NRXN1: variants seen among roughly 807,000 people sequenced by gnomAD.
The protein encoded by NRXN1 is neurexin 1, also known as neurexin-1.
In NRXN1, 39 loss-of-function variants were observed where a neutral mutation model predicts 150.9. The observed-to-expected ratio is 0.26, with a 90% CI of 0.20 to 0.34. NRXN1 has a LOEUF of 0.34. Among genes scored for constraint, NRXN1 ranks in the 10% least tolerant of loss-of-function variants. The pLI is 1.00. For missense variants in NRXN1, 1,815 were observed against 1,949.9 expected (o/e 0.93, Z 1.30); for synonymous variants, 924 against 757.0 (o/e 1.22, Z -3.62).
Position 50,356,845 on chromosome 2 carries a change from C to T in NRXN1, c.3364+108597G>A, listed in dbSNP as rs552149737. Among the ~76,000 whole-genome samples the T allele has an allele frequency of 5.9e-5, 9 of 152,136 alleles. No homozygotes were observed. The East Asian group carries it at 1.7e-3, about 29-fold the overall frequency. ...TTTTTTAAAGCATACTTGATGACTG[C>T]CTCTTACGTTATTTTTAAATGAACT... On this transcript the variant is annotated intron_variant, in intron 17 of 22. Coordinates refer to ENST00000401669, the MANE Select transcript of NRXN1 (RefSeq NM_001330078.2).
chr2:50,656,414 T>C (rs776564842), intron 5 of NRXN1: 6 of 775,414 alleles, frequency 7.7e-6, no homozygotes, highest in South Asian at 1.4e-5. Flanking sequence ...AAGTCACAAA[T>C]AGGAGTTTAT....
intron 12 of NRXN1, among the ~76,000 whole-genome samples, chr2:50,510,692 T>C (rs1300269835): frequency 1.3e-5 from 2 of 152,104 alleles, no homozygotes; most frequent in Non-Finnish European, 2.9e-5. Flanking sequence ...AAGAAGCAGA[T>C]TTAAAAGTGT....
rs1323306682 is a variant in NRXN1, at chr2:50,522,719, C to CCTTTTTTTT, written c.2374+5905_2374+5906insAAAAAAAAG. 1.3e-3 allele frequency among the ~76,000 whole-genome samples: 115 copies of CCTTTTTTTT among 86,558 alleles called. 48 individuals are homozygous for CCTTTTTTTT. Among genetic ancestry groups the CCTTTTTTTT allele is most frequent in the African/African-American group, 5.5e-3 (93 of 16,774 alleles). The allele number at this position is 86,558 out of a possible 152,430, so 56.8% of individuals were successfully genotyped here. ...TTCCATTTATTCATTTATTTTTATT[C>CCTTTTTTTT]ATTTTTTTTTTTTTTTTTTTTTTTT... On this transcript the variant is annotated intron_variant, in intron 12 of 22. Transcript: ENST00000401669.
chr2:50,029,211 C>A (rs1401660698), intron 21 of NRXN1, among the ~76,000 whole-genome samples: 1 of 152,112 alleles, frequency 6.6e-6, no homozygotes, highest in African/African-American at 2.4e-5. Flanking sequence ...GGAAGCAGGC[C>A]CTCACCAGAT....
In NRXN1 at chr2:50,280,299, T is replaced by A. The variant is rs567680235; in HGVS notation, c.3365-43329A>T. Among the ~76,000 whole-genome samples the A allele has an allele frequency of 1.5e-4, 23 of 150,550 alleles. No homozygotes were observed. The East Asian group carries it at 4.5e-3, about 29-fold the overall frequency. ...TCTCAAAAAAAAAAAAAAAAACAGA[T>A]ATATTAGAAGTCAACTATTCACTTT... On this transcript the variant is annotated intron_variant, in intron 17 of 22. Transcript: ENST00000401669.
At chr2:50,901,153 C>G (rs1271203973) in intron 5 of NRXN1, among the ~76,000 whole-genome samples, 1 of 152,076 alleles carries the variant, frequency 6.6e-6, no homozygotes, top group Non-Finnish European at 1.5e-5. Flanking sequence ...TGATTTTCAT[C>G]TGTTCATTTC....
chr2:50,081,066 T>C (rs146934630), intron 19 of NRXN1, among the ~76,000 whole-genome samples: 3 of 152,282 alleles, frequency 2.0e-5, no homozygotes, highest in East Asian at 1.9e-4. Context: ...TTTCTAAAGA[T>C]AGAATGTTCT....
chr2:50,336,123 C>A (rs887169416), intron 17 of NRXN1, among the ~76,000 whole-genome samples: 1 of 152,104 alleles, frequency 6.6e-6, no homozygotes, highest in African/African-American at 2.4e-5. Flanking sequence ...TAAGAGTAAT[C>A]CTTTATGTCA....
chr2:50,894,792 T>C (rs566994099), intron 5 of NRXN1, among the ~76,000 whole-genome samples: 1 of 152,302 alleles, frequency 6.6e-6, no homozygotes, highest in East Asian at 1.9e-4. Context: ...GAATGCTGTT[T>C]CTACATTTTT....
At chr2:50,298,679 C>G (rs892938785) in intron 17 of NRXN1, among the ~76,000 whole-genome samples, 1 of 152,122 alleles carries the variant, frequency 6.6e-6, no homozygotes, top group Non-Finnish European at 1.5e-5. Context: ...GTTCCTCAGA[C>G]CTGGCTTTTG....
At chr2:50,158,273 A>G (rs2059149561) in intron 18 of NRXN1, among the ~76,000 whole-genome samples, 1 of 151,628 alleles carries the variant, frequency 6.6e-6, no homozygotes, top group South Asian at 2.1e-4. Flanking sequence ...CAGGATGCAA[A>G]AGTAGTACAA....
chr2:50,198,775 T>TAGGTCTTG (rs986645974), intron 18 of NRXN1, among the ~76,000 whole-genome samples: 2 of 152,154 alleles, frequency 1.3e-5, no homozygotes, highest in African/African-American at 4.8e-5. Context: ...TGTGAGGCCC[T>TAGGTCTTG]AGGTCTTGAA....
At chr2:51,022,547 C>T (rs531862405) in intron 2 of NRXN1, among the ~76,000 whole-genome samples, 2 of 152,234 alleles carry the variant, frequency 1.3e-5, no homozygotes, top group South Asian at 4.1e-4. Context: ...AGATGCCTTT[C>T]ACTGTCATAC....
rs2152898628 is a variant in NRXN1, at chr2:50,251,169, T to C, written c.3365-14199A>G. On this transcript the variant is annotated intron_variant, in intron 17 of 22. Transcript: ENST00000401669. ...GCCCCACATGTGTTAGCATTCATCCTGATGCTCTCTCTCCCCCTGGCTCCC... is the reference window on the plus strand; with the variant it reads ...GCCCCACATGTGTTAGCATTCATCCCGATGCTCTCTCTCCCCCTGGCTCCC... Among the ~76,000 whole-genome samples, 4 of 152,082 alleles carry C rather than the reference T, an allele frequency of 2.6e-5. No homozygotes were observed. The Middle Eastern group carries it at 0.01, about 393-fold the overall frequency.
chr2:49,992,267 C>T (rs1437195317), intron 21 of NRXN1, among the ~76,000 whole-genome samples: 2 of 151,900 alleles, frequency 1.3e-5, no homozygotes, highest in South Asian at 2.1e-4. Flanking sequence ...GGACCGGGTG[C>T]AGTGGCTCAT....
chr2:50,206,411 T>C (rs1036200836), intron 18 of NRXN1, among the ~76,000 whole-genome samples: 8 of 151,958 alleles, frequency 5.3e-5, no homozygotes, highest in African/African-American at 1.9e-4. Context: ...CAGAAGATAA[T>C]AAGATCTCAG....
intron 18 of NRXN1, among the ~76,000 whole-genome samples, chr2:50,166,276 C>A (rs943423805): frequency 8.4e-6 from 1 of 119,184 alleles, no homozygotes; most frequent in Non-Finnish European, 1.8e-5. Flanking sequence ...GAGTACTCAA[C>A]GTATGTGTGT....
rs201033822 is a variant in NRXN1, at chr2:50,620,139, C to T, written c.1203G>A (p.Thr401=). The change falls in exon 8 of 23, where the codon ACG becomes ACA. Residue 401 remains threonine, a synonymous_variant. Transcript: ENST00000401669. ...ACCCCAGCATGGTATAATCTTCTTGCGTGTAGCCCGTTGTGGTAAGAATCC... is the reference window on the plus strand; with the variant it reads ...ACCCCAGCATGGTATAATCTTCTTGTGTGTAGCCCGTTGTGGTAAGAATCC... ...VDGILTTTGY[T]QEDYTMLGSD... 3.3e-5 allele frequency: 53 copies of T among 1,613,456 alleles called. No individual in the cohort carries two copies. Among genetic ancestry groups the T allele is most frequent in the African/African-American group, 2.3e-4 (17 of 75,016 alleles).
intron 5 of NRXN1, among the ~76,000 whole-genome samples, chr2:50,920,444 A>G (rs1200870564): frequency 2.0e-5 from 3 of 151,808 alleles, no homozygotes; most frequent in Non-Finnish European, 4.4e-5. Flanking sequence ...TTTTCACAAA[A>G]TAACAAATAT....
Sources: gnomAD v4.1 joint callset for allele counts (sites outside exome capture counted in the v4.1 genomes callset) on GRCh38, gnomAD v4.1.1 for gene constraint, MANE v1.5 for transcripts, NCBI Gene and HGNC (gene_info 2026-07-23, HGNC 2026-07-21) for gene names.